The following ZNF354A variants were observed in gnomAD, a reference collection of about 807,000 sequenced individuals.
ZNF354A encodes epididymis luminal protein 104.
ZNF354A carries 25 observed loss-of-function variants against 53.3 expected under a neutral mutation model. That is an observed-to-expected ratio of 0.47 (90% confidence interval 0.34 to 0.66). ZNF354A has a LOEUF of 0.66. Among genes scored for constraint, ZNF354A ranks in the 30% least tolerant of loss-of-function variants. The pLI is 0.01. For synonymous variants in ZNF354A, 228 were observed against 249.0 expected (o/e 0.92, Z 0.79); for missense variants, 586 against 716.8 (o/e 0.82, Z 2.08).
At chr5:178,724,082 A>C (rs1274160288) in intron 4 of ZNF354A, among the ~76,000 whole-genome samples, 1 of 151,918 alleles carries the variant, frequency 6.6e-6, no homozygotes, top group Non-Finnish European at 1.5e-5. Context: ...TCTCAAGTGA[A>C]ATCCATCCCA....
intron 2 of ZNF354A, among the ~76,000 whole-genome samples, chr5:178,728,339 G>GA (rs1246187035): frequency 6.6e-6 from 1 of 152,152 alleles, no homozygotes; most frequent in Non-Finnish European, 1.5e-5. Context: ...CAGCAATGCG[G>GA]AAGTACCTAA....
chr5:178,725,008 C>A (rs114445395), intron 4 of ZNF354A, among the ~76,000 whole-genome samples: 5 of 152,222 alleles, frequency 3.3e-5, no homozygotes, highest in Non-Finnish European at 5.9e-5. Flanking sequence ...CTCTTAGAAC[C>A]GTGCCCAAGC....
At chr5:178,727,744 C>G (rs988456632) in intron 2 of ZNF354A, among the ~76,000 whole-genome samples, 3 of 152,156 alleles carry the variant, frequency 2.0e-5, no homozygotes, top group Non-Finnish European at 4.4e-5. Flanking sequence ...CAAGACGATA[C>G]CATTATTGTT....
rs1194399277 is a variant in ZNF354A, at chr5:178,725,409, C to T, written c.223G>A (p.Val75Met). 1.9e-6 allele frequency: 3 copies of T among 1,614,050 alleles called. No individual in the cohort carries two copies. The African/African-American group carries it at 4.0e-5, about 22-fold the overall frequency. ...GAGACGCCAGAACCGTCTTTCTCCA[C>T]CTCCCAGGGATCTTCTCCTTGCTGC... ...LLQQGEDPWE[V>M]EKDGSGVSSL... The change falls in exon 4 of 5, where the codon GTG becomes ATG. Residue 75 changes from valine (V) to methionine (M), a missense_variant. Val to Met is a conservative substitution (Grantham distance 21). This residue lies in a region of ZNF354A where 573 missense variants were observed against 680.1 expected (regional missense o/e 0.84). Transcript: ENST00000335815.
Position 178,725,501 on chromosome 5 carries a change from C to G in ZNF354A, c.161-30G>C, listed in dbSNP as rs1765888971. 4 of 1,602,958 alleles carry G rather than the reference C, an allele frequency of 2.5e-6. No individual in the cohort carries two copies. The East Asian group carries it at 8.9e-5, about 36-fold the overall frequency. ...ACATAAACAAAAAACCACAACCAAA[C>G]AAATCAGACTTGGTTTTGTATTGAT... On this transcript the variant is annotated intron_variant, in intron 3 of 4. Transcript: ENST00000335815.
At chr5:178,728,761 C>A (rs1765962196) in intron 2 of ZNF354A, among the ~76,000 whole-genome samples, 1 of 128,208 alleles carries the variant, frequency 7.8e-6, no homozygotes, top group Non-Finnish European at 1.6e-5. Context: ...CCCGCCACTG[C>A]CTGGGCGACA....
At chr5:178,719,926 G>T (rs1338903726) in intron 4 of ZNF354A, among the ~76,000 whole-genome samples, 1 of 143,716 alleles carries the variant, frequency 7.0e-6, no homozygotes, top group South Asian at 2.4e-4. Flanking sequence ...CAGCCTGGGC[G>T]ACAGAGCGAG....
intron 4 of ZNF354A, among the ~76,000 whole-genome samples, chr5:178,725,009 G>A (rs1191092198): frequency 2.6e-5 from 4 of 152,176 alleles, no homozygotes; most frequent in African/African-American, 4.8e-5. Context: ...TCTTAGAACC[G>A]TGCCCAAGCA....
intron 2 of ZNF354A, among the ~76,000 whole-genome samples, chr5:178,728,635 CA>C (rs796696992): frequency 1.2e-4 from 15 of 124,696 alleles, no homozygotes; most frequent in Admixed American, 4.0e-4. Context: ...AATAAAAGCA[CA>C]AAAAAAAAAA....
At chr5:178,726,242 G>A (rs1561621545) in intron 3 of ZNF354A, 1 of 453,978 alleles carries the variant, frequency 2.2e-6, no homozygotes. Flanking sequence ...GCAAAGAATG[G>A]TGGGAAAAAA....
At chr5:178,719,115 A>G (rs569416886) in intron 4 of ZNF354A, among the ~76,000 whole-genome samples, 4 of 152,254 alleles carry the variant, frequency 2.6e-5, no homozygotes, top group South Asian at 4.1e-4. Context: ...ACCCCTCTTA[A>G]TACACAGAAT....
At chr5:178,722,253 T>C (rs1471019108) in intron 4 of ZNF354A, among the ~76,000 whole-genome samples, 1 of 152,216 alleles carries the variant, frequency 6.6e-6, no homozygotes, top group African/African-American at 2.4e-5. Flanking sequence ...AATCACCCTA[T>C]ATTGATCAGG....
chr5:178,712,181 A>C lies in ZNF354A; in HGVS notation c.1697T>G (p.Ile566Ser), dbSNP rs1765631070. Residue 566 changes from isoleucine (I) to serine (S), a missense_variant, in exon 5 of 5, where the codon ATT (isoleucine) becomes AGT (serine). Physicochemically the swap from Ile to Ser is moderately radical, Grantham distance 142 (BLOSUM62 -2). This residue lies in a region of ZNF354A where 573 missense variants were observed against 680.1 expected (regional missense o/e 0.84). Coordinates refer to ENST00000335815, the MANE Select transcript of ZNF354A (RefSeq NM_005649.3). The stretch of plus-strand genomic sequence containing the variant: ...TCCAGTATGAATTCTCTGATGTGCA[A>C]TACGTGATGAGCTTTGTCTAAAAGT... ...GKTFRQSSSR[I>S]AHQRIHTGEK... 6.2e-7 allele frequency: 1 copy of C among 1,613,870 alleles called. No homozygotes were observed. The highest frequency in any genetic ancestry group is 1.3e-5 in the African/African-American group (1 of 74,864).
At chr5:178,724,001 TC>T (rs1765858817) in intron 4 of ZNF354A, among the ~76,000 whole-genome samples, 2 of 152,036 alleles carry the variant, frequency 1.3e-5, no homozygotes, top group African/African-American at 4.8e-5. Flanking sequence ...CTCCCTGACC[TC>T]CCTTGAGTCT....
chr5:178,712,048 C>T lies in ZNF354A; in HGVS notation c.*12G>A. On this transcript the variant is annotated 3_prime_UTR_variant, in exon 5 of 5. Coordinates refer to ENST00000335815, the MANE Select transcript of ZNF354A (RefSeq NM_005649.3). The stretch of plus-strand genomic sequence containing the variant: ...CTTTGGTTTAAGGCTTTCACACATA[C>T]AAATCTACTTTCTAGGGGTCCTCTT... 3.8e-6 allele frequency: 6 copies of T among 1,563,038 alleles called. No homozygotes were observed. Among genetic ancestry groups the T allele is most frequent in the Non-Finnish European group, 5.2e-6 (6 of 1,156,836 alleles).
Position 178,712,099 on chromosome 5 carries a change from A to C in ZNF354A, c.1779T>G (p.Leu593=), listed in dbSNP as rs142716969. The C allele has an allele frequency of 8.7e-6, 14 of 1,608,674 alleles. No individual in the cohort carries two copies. The highest frequency in any genetic ancestry group is 1.2e-5 in the Non-Finnish European group (14 of 1,177,026). ...CGKLFNHRSS[L]TNHYKIHIEE... is the part of the protein sequence containing the mutation. ...CGATATGAATTTTATAATGATTAGT[A>C]AGGGATGACCTATGGTTGAAAAGTT... is the stretch of plus-strand genomic sequence containing the variant. The change falls in exon 5 of 5, where the codon CTT becomes CTG. Residue 593 remains leucine, a synonymous_variant. Transcript: ENST00000335815.
rs555115881 is a variant in ZNF354A at position 178,712,924 on chromosome 5, T to C, written c.954A>G (p.Lys318=). The change falls in exon 5 of 5, where the codon AAA becomes AAG. Residue 318 remains lysine, a synonymous_variant. Coordinates refer to ENST00000335815, the MANE Select transcript of ZNF354A (RefSeq NM_005649.3). ...TACAAGGGTTTTCTTCAGCATGAATTTTTTGATGTATAAAAAGGCCTGACC... is the reference window on the plus strand; with the variant it reads ...TACAAGGGTTTTCTTCAGCATGAATCTTTTGATGTATAAAAAGGCCTGACC... The part of the protein sequence containing the change: ...SRRSGLFIHQ[K]IHAEENPCKY... 2.5e-6 allele frequency: 4 copies of C among 1,614,016 alleles called. No homozygotes were observed. The African/African-American group carries it at 5.3e-5, about 22-fold the overall frequency.
Position 178,713,100 on chromosome 5 carries a change from G to A in ZNF354A, c.778C>T (p.His260Tyr). Residue 260 changes from histidine to tyrosine, a missense_variant, in exon 5 of 5, where the codon CAT (histidine) becomes TAT (tyrosine). Coordinates refer to ENST00000335815, the MANE Select transcript of ZNF354A (RefSeq NM_005649.3). ...AFSQSSALIQ[H>Y]QITHTGEKPY... ...TTCTCTCCAGTATGCGTTATTTGAT[G>A]TTGAATAAGAGCTGAACTTTGGCTA... 6.2e-7 allele frequency: 1 copy of A among 1,613,910 alleles called. No homozygotes were observed. The highest frequency in any genetic ancestry group is 8.5e-7 in the Non-Finnish European group (1 of 1,179,856).
chr5:178,724,764 A>G (rs966816551), intron 4 of ZNF354A, among the ~76,000 whole-genome samples: 3 of 152,108 alleles, frequency 2.0e-5, no homozygotes, highest in Non-Finnish European at 4.4e-5. Flanking sequence ...CATAATTTTC[A>G]TTAGACATAA....
Sources: gnomAD v4.1 joint callset for allele counts (sites outside exome capture counted in the v4.1 genomes callset) on GRCh38, gnomAD v4.1.1 for gene constraint, gnomAD v4.1.1 regional missense constraint, MANE v1.5 for transcripts, NCBI Gene and HGNC (gene_info 2026-07-23, HGNC 2026-07-21) for gene names.